SEMA5A: variants seen among roughly 807,000 people sequenced by gnomAD.
SEMA5A encodes semaphorin 5A, also known as semaphorin-5A.
In SEMA5A, 55 loss-of-function variants were observed where a neutral mutation model predicts 135.5. The observed-to-expected ratio is 0.41, with a 90% CI of 0.33 to 0.51. The LOEUF (loss-of-function observed/expected upper bound fraction) is 0.51. Ranked by LOEUF, SEMA5A falls within the 20% of genes least tolerant of loss-of-function variation. The pLI is 0.37. For synonymous variants in SEMA5A, 580 were observed against 546.5 expected, an observed-to-expected ratio of 1.06 and a Z score of -0.85; for missense variants, 1,290 against 1,419.9, an observed-to-expected ratio of 0.91 and a Z score of 1.47.
intron 1 of SEMA5A, among the ~76,000 whole-genome samples, chr5:9,504,568 G>T (rs79039348): frequency 6.6e-6 from 1 of 152,206 alleles, no homozygotes; most frequent in Non-Finnish European, 1.5e-5. Context: ...GTGAAGGGCA[G>T]AGCATGGTGA....
chr5:9,489,064 TG>T lies in SEMA5A; in HGVS notation c.-174-51213del, dbSNP rs373736227. On this transcript the variant is annotated intron_variant, in intron 1 of 22. Transcript: ENST00000382496. ...CAGGCCTCTGAATAACGTGAAATCT[TG>T]GGCAGGGCTCATGTACCATTTTCTC... Among the ~76,000 whole-genome samples the T allele has an allele frequency of 5.2e-3, 799 of 152,282 alleles. 8 individuals carry two copies. Among genetic ancestry groups the T allele is most frequent in the African/African-American group, 0.018 (767 of 41,554 alleles).
At position 9,119,043 on chromosome 5, in the gene SEMA5A, G is replaced by T; in HGVS notation, c.1880C>A (p.Pro627His). 1.2e-6 allele frequency: 2 copies of T among 1,613,640 alleles called. No homozygotes were observed. Among genetic ancestry groups the T allele is most frequent in the Middle Eastern group, 1.7e-4 (1 of 6,034 alleles). ...CACGCACACCCGGCCCCCGTGCCTG[G>T]GAGTGGGGTTGCTGCAGGAGCGCTG... ...VRQRSCSNPT[P>H]RHGGRVCVGQ... is the part of the protein sequence containing the mutation. The change falls in exon 15 of 23, where the codon CCC (proline) becomes CAC (histidine). Residue 627 changes from proline to histidine, a missense_variant. Pro to His is a moderately conservative substitution (Grantham distance 77, BLOSUM62 -2). Around this residue, in one of 3 missense-constraint regions of SEMA5A, gnomAD observed 1,029 missense variants for 1,086.6 expected, o/e 0.95. Coordinates refer to ENST00000382496, the MANE Select transcript of SEMA5A (RefSeq NM_003966.3).
chr5:9,115,731 A>T (rs1386172515), intron 15 of SEMA5A, among the ~76,000 whole-genome samples: 2 of 152,156 alleles, frequency 1.3e-5, no homozygotes. Context: ...TGACTGGGGA[A>T]CAGAGAATCA....
At position 9,125,020 on chromosome 5, in the gene SEMA5A, G is replaced by A. The variant is rs1326319942; in HGVS notation, c.1600-2183C>T. On this transcript the variant is annotated intron_variant, in intron 13 of 22. Coordinates refer to ENST00000382496, the MANE Select transcript of SEMA5A (RefSeq NM_003966.3). ...GGGTTACAAACTATACCCATACTTC[G>A]CCATTTCAGAATAATGCTGACACCA... Among the ~76,000 whole-genome samples the A allele has an allele frequency of 2.6e-5, 4 of 152,112 alleles. No individual in the cohort carries two copies. In the East Asian group the frequency reaches 5.8e-4, roughly 22 times the overall value.
chr5:9,384,839 T>C (rs1755819618), intron 2 of SEMA5A, among the ~76,000 whole-genome samples: 1 of 152,156 alleles, frequency 6.6e-6, no homozygotes, highest in Admixed American at 6.5e-5. Flanking sequence ...ATTCAAAATA[T>C]GCTTATATAA....
chr5:9,453,794 A>G (rs1329948457), intron 1 of SEMA5A, among the ~76,000 whole-genome samples: 2 of 152,198 alleles, frequency 1.3e-5, no homozygotes, highest in African/African-American at 4.8e-5. Context: ...TCTCAATGAT[A>G]AGAAGAAAAG....
At chr5:9,319,426 T>C (rs953096085) in intron 4 of SEMA5A, among the ~76,000 whole-genome samples, 2 of 152,098 alleles carry the variant, frequency 1.3e-5, no homozygotes, top group African/African-American at 4.8e-5. Context: ...TAGTGAAACA[T>C]GCAGTGGAGA....
chr5:9,542,651 A>G (rs531369122), intron 1 of SEMA5A, among the ~76,000 whole-genome samples: 4 of 152,256 alleles, frequency 2.6e-5, no homozygotes, highest in Non-Finnish European at 5.9e-5. Flanking sequence ...ACAATTGCAG[A>G]AACATTTTTA....
chr5:9,036,191 G>A lies in SEMA5A; in HGVS notation c.*6706C>T, dbSNP rs1457887325. On this transcript the variant is annotated 3_prime_UTR_variant, in exon 23 of 23. Transcript: ENST00000382496. The stretch of plus-strand genomic sequence containing the variant: ...CTCAGTGGTGAAACTAAGTGCTTGG[G>A]TTAAAGATTCATACTGTGCTTTGTT... The A allele has an allele frequency of 1.3e-5, 2 of 152,114 alleles. No homozygotes were observed. The highest frequency in any genetic ancestry group is 2.4e-5 in the African/African-American group (1 of 41,408). The allele number at this position is 152,114 out of a possible 1,614,324, so 9.4% of individuals were successfully genotyped here.
chr5:9,127,342 C>T (rs1741171245), intron 13 of SEMA5A, among the ~76,000 whole-genome samples: 2 of 152,180 alleles, frequency 1.3e-5, no homozygotes, highest in Admixed American at 1.3e-4. Context: ...GGGAATGCCT[C>T]TAAGATTTCC....
intron 11 of SEMA5A, among the ~76,000 whole-genome samples, chr5:9,159,184 C>A (rs1443635807): frequency 6.6e-6 from 1 of 152,110 alleles, no homozygotes; most frequent in Non-Finnish European, 1.5e-5. Context: ...TTTTAGAGAA[C>A]AGAACTGATA....
chr5:9,333,165 A>G (rs1216400567), intron 4 of SEMA5A, among the ~76,000 whole-genome samples: 1 of 152,102 alleles, frequency 6.6e-6, no homozygotes, highest in Non-Finnish European at 1.5e-5. Context: ...GATGTTAAAA[A>G]ATGTTTTCAT....
Position 9,237,865 on chromosome 5 carries a change from G to A in SEMA5A, c.296C>T (p.Ala99Val), listed in dbSNP as rs1747993511. Residue 99 changes from alanine (A) to valine (V), a missense_variant, in exon 6 of 23, where the codon GCT becomes GTT. This residue lies in a region of SEMA5A where 116 missense variants were observed against 121.3 expected (regional missense o/e 0.96). Transcript: ENST00000382496. Reference protein sequence around the residue: ...IQAVEWECDEATKKACYSKGK... With the variant: ...IQAVEWECDEVTKKACYSKGK... The stretch of plus-strand genomic sequence containing the variant: ...TTTGCTGTAACAGGCCTTTTTGGTA[G>A]CTTCATCACACTCCCATTCCACAGC... 1 of 1,613,486 alleles carries A rather than the reference G, an allele frequency of 6.2e-7. No homozygotes were observed. The highest frequency in any genetic ancestry group is 8.5e-7 in the Non-Finnish European group (1 of 1,179,628).
intron 1 of SEMA5A, among the ~76,000 whole-genome samples, chr5:9,464,191 C>G (rs1759168786): frequency 6.6e-6 from 1 of 152,076 alleles, no homozygotes; most frequent in Admixed American, 6.6e-5. Flanking sequence ...ACAAAGTTGC[C>G]CCTGATTAAA....
chr5:9,528,309 A>C (rs1223608818), intron 1 of SEMA5A, among the ~76,000 whole-genome samples: 1 of 152,192 alleles, frequency 6.6e-6, no homozygotes, highest in Non-Finnish European at 1.5e-5. Flanking sequence ...GTCCTAGGGC[A>C]GCCTGGCTTC....
Position 9,207,851 on chromosome 5 carries a change from TGATAGATAGATAGATA to T in SEMA5A, c.647-5627_647-5612del, listed in dbSNP as rs55679317. Among the ~76,000 whole-genome samples the T allele has an allele frequency of 7.6e-3, 1,103 of 146,090 alleles. 5 individuals carry two copies. The highest frequency in any genetic ancestry group is 0.024 in the African/African-American group (946 of 38,854). On this transcript the variant is annotated intron_variant, in intron 8 of 22. Transcript: ENST00000382496. ...GAGGTTTCTACTAAAAGACAGATGA[TGATAGATAGATAGATA>T]GATAGATAGATAGATAGATAGATAG...
chr5:9,456,654 C>G (rs1758846695), intron 1 of SEMA5A, among the ~76,000 whole-genome samples: 1 of 152,084 alleles, frequency 6.6e-6, no homozygotes, highest in South Asian at 2.1e-4. Context: ...AAAGGGAGGT[C>G]TAAGTCAGCC....
At chr5:9,395,529 A>G in intron 2 of SEMA5A, among the ~76,000 whole-genome samples, 1 of 152,274 alleles carries the variant, frequency 6.6e-6, no homozygotes, top group East Asian at 1.9e-4. Flanking sequence ...AGGAAATGAA[A>G]TTGGTTTTAT....
chr5:9,461,997 C>CA (rs1409250731), intron 1 of SEMA5A, among the ~76,000 whole-genome samples: 2 of 152,166 alleles, frequency 1.3e-5, no homozygotes, highest in Non-Finnish European at 1.5e-5. Context: ...GGCAGAAACA[C>CA]AAATGTCTTG....
Sources: allele counts gnomAD v4.1 joint callset (sites outside exome capture counted in the v4.1 genomes callset), GRCh38; gene constraint gnomAD v4.1.1; regional missense constraint gnomAD v4.1.1; transcripts MANE v1.5; gene names NCBI Gene and HGNC (gene_info 2026-07-23, HGNC 2026-07-21).